Variants in ADAMTS12 observed in about 807,000 individuals in gnomAD.
ADAMTS12 encodes the protein ADAM metallopeptidase with thrombospondin type 1 motif 12, also known as A disintegrin and metalloproteinase with thrombospondin motifs 12.
A neutral mutation model predicts 167.8 loss-of-function variants in ADAMTS12; 118 were observed. The ratio of observed to expected loss-of-function variants is 0.70; its 90% CI spans 0.61 to 0.82. ADAMTS12 has a LOEUF of 0.82. Among genes scored for constraint, ADAMTS12 ranks in the 40% least tolerant of loss-of-function variants. The probability of loss-of-function intolerance (pLI) is 0.00; values close to 1 mark genes in which losing one functional copy is unlikely to be tolerated. For missense variants in ADAMTS12, 1,916 were observed against 1,998.8 expected, an observed-to-expected ratio of 0.96 and a Z score of 0.79; for synonymous variants, 704 against 716.9, an observed-to-expected ratio of 0.98 and a Z score of 0.29.
intron 2 of ADAMTS12, among the ~76,000 whole-genome samples, chr5:33,874,810 C>T (rs1163123266): frequency 6.6e-6 from 1 of 152,196 alleles, no homozygotes; most frequent in East Asian, 1.9e-4. Context: ...TGGCTCACAC[C>T]TGTAATCCCA....
At chr5:33,567,854 GA>G (rs1398257739) in intron 19 of ADAMTS12, among the ~76,000 whole-genome samples, 1 of 152,078 alleles carries the variant, frequency 6.6e-6, no homozygotes, top group Non-Finnish European at 1.5e-5. Context: ...TAAAATCAAA[GA>G]CACAGAGGAT....
At chr5:33,536,130 A>G (rs190076896) in intron 22 of ADAMTS12, among the ~76,000 whole-genome samples, 45 of 152,312 alleles carry the variant, frequency 3.0e-4, no homozygotes, top group African/African-American at 1.1e-3. Flanking sequence ...AAAGCACAAA[A>G]TATACCATTT....
intron 1 of ADAMTS12, among the ~76,000 whole-genome samples, chr5:33,883,327 G>GTTTTTTTTTTTTTTTTTTTTTTTT (rs79064946): frequency 1.2e-4 from 13 of 111,600 alleles, no homozygotes; most frequent in Non-Finnish European, 1.9e-4. Context: ...TTTTTTTTTT[G>GTTTTTTTTTTTTTTTTTTTTTTTT]TTTTTTTTTT....
At chr5:33,551,410 C>T (rs1319076202) in intron 20 of ADAMTS12, among the ~76,000 whole-genome samples, 1 of 152,112 alleles carries the variant, frequency 6.6e-6, no homozygotes, top group Non-Finnish European at 1.5e-5. Context: ...CTTTGTTTTC[C>T]TGCCACACAG....
chr5:33,625,116 G>T (rs1739521271), intron 13 of ADAMTS12, among the ~76,000 whole-genome samples: 1 of 152,058 alleles, frequency 6.6e-6, no homozygotes, highest in Non-Finnish European at 1.5e-5. Context: ...GAGTAGCTGG[G>T]ACTACAGGTA....
At chr5:33,617,921 T>C (rs911505724) in intron 14 of ADAMTS12, among the ~76,000 whole-genome samples, 3 of 152,194 alleles carry the variant, frequency 2.0e-5, no homozygotes, top group Non-Finnish European at 4.4e-5. Flanking sequence ...TCTGAATAGC[T>C]TGTAGATAAA....
At chr5:33,739,033 C>T (rs1744471351) in intron 3 of ADAMTS12, among the ~76,000 whole-genome samples, 1 of 152,166 alleles carries the variant, frequency 6.6e-6, no homozygotes, top group Admixed American at 6.5e-5. Context: ...GGTGTTTGGA[C>T]TCCCTTGCTA....
At chr5:33,688,987 C>T (rs1452408063) in intron 3 of ADAMTS12, among the ~76,000 whole-genome samples, 3 of 152,192 alleles carry the variant, frequency 2.0e-5, no homozygotes, top group African/African-American at 7.2e-5. Flanking sequence ...CTCCAGCCTA[C>T]ACTGCAGCTT....
At chr5:33,574,859 C>T (rs1746604180) in intron 19 of ADAMTS12, among the ~76,000 whole-genome samples, 2 of 152,078 alleles carry the variant, frequency 1.3e-5, no homozygotes, top group South Asian at 4.1e-4. Flanking sequence ...GTTTACTTCA[C>T]TTTAACTGGC....
intron 19 of ADAMTS12, among the ~76,000 whole-genome samples, chr5:33,572,425 G>A (rs1283698616): frequency 1.3e-5 from 2 of 151,756 alleles, no homozygotes; most frequent in African/African-American, 2.4e-5. Context: ...TCATCCCTGG[G>A]ATGCAAGGCT....
At chr5:33,528,012 C>T (rs1408772828) in intron 23 of ADAMTS12, among the ~76,000 whole-genome samples, 3 of 151,700 alleles carry the variant, frequency 2.0e-5, no homozygotes, top group Non-Finnish European at 4.4e-5. Flanking sequence ...TGGAACCAAC[C>T]TAAGGGCCCG....
At chr5:33,675,020 T>C (rs1741849805) in intron 5 of ADAMTS12, among the ~76,000 whole-genome samples, 1 of 152,178 alleles carries the variant, frequency 6.6e-6, no homozygotes, top group South Asian at 2.1e-4. Context: ...ATTTTCTCTC[T>C]CTGTCTTGGA....
Position 33,800,204 on chromosome 5 carries a change from A to G in ADAMTS12, c.490-48656T>C, listed in dbSNP as rs559640286. ...GCTCAGTCAGTCTATAAATAACAAA[A>G]TAATTGTGGAGATGTTAAGTTCAAG... On this transcript the variant is annotated intron_variant, in intron 2 of 23. Coordinates refer to ENST00000504830, the MANE Select transcript of ADAMTS12 (RefSeq NM_030955.4). 5.9e-5 allele frequency among the ~76,000 whole-genome samples: 9 copies of G among 152,356 alleles called. No homozygotes were observed. The South Asian group carries it at 1.9e-3, about 32-fold the overall frequency.
At chr5:33,822,804 T>C (rs1355146567) in intron 2 of ADAMTS12, among the ~76,000 whole-genome samples, 1 of 152,100 alleles carries the variant, frequency 6.6e-6, no homozygotes, top group African/African-American at 2.4e-5. Flanking sequence ...AAGAAAAATA[T>C]AGGCCGGGAA....
At chr5:33,616,200 T>A in intron 14 of ADAMTS12, 128 bp from the exon 15 acceptor site, 1 of 1,293,308 alleles carries the variant, frequency 7.7e-7, no homozygotes, top group Non-Finnish European at 1.0e-6. Flanking sequence ...GGGTGGCCAC[T>A]GGAATTGGCA....
chr5:33,700,670 C>T (rs371652352), intron 3 of ADAMTS12, among the ~76,000 whole-genome samples: 1 of 152,074 alleles, frequency 6.6e-6, no homozygotes, highest in African/African-American at 2.4e-5. Flanking sequence ...ACTAATTACA[C>T]GCACACACAC....
At chr5:33,586,241 A>G (rs984747428) in intron 18 of ADAMTS12, among the ~76,000 whole-genome samples, 2 of 152,252 alleles carry the variant, frequency 1.3e-5, no homozygotes, top group African/African-American at 4.8e-5. Flanking sequence ...GGGCATAGTT[A>G]GAATGTCAAA....
intron 19 of ADAMTS12, among the ~76,000 whole-genome samples, chr5:33,574,517 T>C (rs1277669698): frequency 1.3e-5 from 2 of 149,102 alleles, no homozygotes; most frequent in Non-Finnish European, 2.9e-5. Context: ...AAACACCGCA[T>C]GTTCTCACTC....
chr5:33,643,077 T>C (rs967313201), intron 10 of ADAMTS12, among the ~76,000 whole-genome samples: 6 of 152,200 alleles, frequency 3.9e-5, no homozygotes, highest in Admixed American at 2.0e-4. Flanking sequence ...GGAAGGCTGA[T>C]AATAAGCTTA....
Sources: gnomAD v4.1 joint callset for allele counts (sites outside exome capture counted in the v4.1 genomes callset) on GRCh38, gnomAD v4.1.1 for gene constraint, MANE v1.5 for transcripts, NCBI Gene and HGNC (gene_info 2026-07-23, HGNC 2026-07-21) for gene names.